The following TREML1 variants were observed in gnomAD, a reference collection of about 807,000 sequenced individuals.
The protein encoded by TREML1 is triggering receptor expressed on myeloid cells like 1.
TREML1 carries 27 observed loss-of-function variants against 22.8 expected under a neutral mutation model. That is an observed-to-expected ratio of 1.19 (90% CI 0.87 to 1.64). The LOEUF is 1.64. Ranked by LOEUF, TREML1 falls within the 40% of genes most tolerant of loss-of-function variation. The probability of loss-of-function intolerance (pLI) is 0.00; values close to 1 mark genes in which losing one functional copy is unlikely to be tolerated. For synonymous variants in TREML1, 153 were observed against 161.9 expected (o/e 0.94, Z 0.42); for missense variants, 356 against 382.0 (o/e 0.93, Z 0.57).
At chr6:41,151,934 C>G (rs1012011801) in intron 2 of TREML1, among the ~76,000 whole-genome samples, 1 of 152,208 alleles carries the variant, frequency 6.6e-6, no homozygotes. Context: ...GCAACACAAA[C>G]CAACTGACCC....
intron 5 of TREML1, 121 bp from the exon 6 acceptor site, chr6:41,150,039 G>T (rs1765204651): frequency 9.2e-7 from 1 of 1,088,774 alleles, no homozygotes. Flanking sequence ...GGGCAAGAGG[G>T]CTTCATTGTG....
chr6:41,150,369 T>C (rs1765213130), intron 4 of TREML1, 56 bp from the exon 5 acceptor site: 1 of 1,545,788 alleles, frequency 6.5e-7, no homozygotes, highest in Non-Finnish European at 8.9e-7. Context: ...TCAGAGCCCT[T>C]CCCTCACTCC....
At chr6:41,152,420 T>C (rs1467051159) in intron 2 of TREML1, among the ~76,000 whole-genome samples, 1 of 152,148 alleles carries the variant, frequency 6.6e-6, no homozygotes, top group Non-Finnish European at 1.5e-5. Context: ...TTTAGTGAGT[T>C]AGAACCTGAA....
chr6:41,154,212 G>A, intron 1 of TREML1, 34 bp downstream of exon 1: 6 of 1,608,926 alleles, frequency 3.7e-6, no homozygotes, highest in Non-Finnish European at 5.1e-6. Flanking sequence ...CTGAGCATAT[G>A]GGGCCCAGAG....
Position 41,151,344 on chromosome 6 carries a change from C to T in TREML1, c.417G>A (p.Glu139=), listed in dbSNP as rs1373402511. Residue 139 remains glutamate (E), a synonymous_variant, in exon 3 of 6, where the codon GAG becomes GAA. Transcript: ENST00000426005. ...TGCCTGCAGGGTCTGAGAATGCGTT[C>T]TCAGCCAGACTGCCAATCTTATGGG... ...EETHKIGSLA[E]NAFSDPAGSA... is the part of the protein sequence containing the mutation. 2 of 1,614,224 alleles carry T rather than the reference C, an allele frequency of 1.2e-6. No homozygotes were observed. Among genetic ancestry groups the T allele is most frequent in the Non-Finnish European group, 1.7e-6 (2 of 1,180,040 alleles).
chr6:41,151,178 A>G, intron 3 of TREML1, 104 bp downstream of exon 3: 1 of 1,042,622 alleles, frequency 9.6e-7, no homozygotes, highest in South Asian at 1.3e-5. Flanking sequence ...CAGAGGTGGG[A>G]AGAATCATAG....
chr6:41,152,072 G>A (rs1765267255), intron 2 of TREML1, among the ~76,000 whole-genome samples: 3 of 152,208 alleles, frequency 2.0e-5, no homozygotes, highest in Non-Finnish European at 4.4e-5. Flanking sequence ...ACTTGTCTTA[G>A]GAACCTGGCC....
At chr6:41,150,964 G>A in intron 3 of TREML1, 57 bp from the exon 4 acceptor site, 1 of 1,476,294 alleles carries the variant, frequency 6.8e-7, no homozygotes, top group Non-Finnish European at 9.5e-7. Context: ...GGAGCTGCTG[G>A]CCAGGAGCCC....
In TREML1 at chr6:41,151,360, A is replaced by G. The variant is rs1400530374; in HGVS notation, c.401T>C (p.Ile134Thr). 3 of 1,614,154 alleles carry G rather than the reference A, an allele frequency of 1.9e-6. No homozygotes were observed. Among genetic ancestry groups the G allele is most frequent in the South Asian group, 1.1e-5 (1 of 91,054 alleles). ...GAATGCGTTCTCAGCCAGACTGCCA[A>G]TCTTATGGGTCTCTTCTTCTTCCTC... ...PPEEEEETHKIGSLAENAFSD... is the reference protein window; with the variant it reads ...PPEEEEETHKTGSLAENAFSD... Residue 134 changes from isoleucine (I) to threonine (T), a missense_variant, in exon 3 of 6, where the codon ATT (isoleucine) becomes ACT (threonine). By Grantham distance (89) the Ile-to-Thr change is moderately conservative. Coordinates refer to ENST00000426005, the MANE Select transcript of TREML1 (RefSeq NM_178174.4).
chr6:41,149,314 G>A (rs1329046845), downstream of TREML1: 1 of 319,372 alleles, frequency 3.1e-6, no homozygotes, highest in African/African-American at 2.1e-5. Flanking sequence ...AACTTGGGCA[G>A]TTTCCTTTCC....
intron 2 of TREML1, among the ~76,000 whole-genome samples, chr6:41,153,484 G>A (rs535781650): frequency 3.3e-5 from 5 of 152,116 alleles, no homozygotes; most frequent in African/African-American, 9.6e-5. Context: ...TGAAAATGCT[G>A]GAAGAAGAGG....
chr6:41,151,646 C>T (rs781257913), intron 2 of TREML1: 3 of 483,090 alleles, frequency 6.2e-6, no homozygotes, highest in African/African-American at 5.8e-5. Flanking sequence ...CAGCTCCCCC[C>T]ATCTTCCTGC....
chr6:41,154,107 G>A lies in TREML1; in HGVS notation c.44-17C>T, dbSNP rs1278423479. 1.2e-6 allele frequency: 2 copies of A among 1,604,118 alleles called. No homozygotes were observed. The highest frequency in any genetic ancestry group is 1.7e-6 in the Non-Finnish European group (2 of 1,174,574). ...TGCCCTGACCTGGGGAAGGAAAGGA[G>A]GTGGGAATTTTGGGCAGGAGCTGGG... On this transcript the variant is annotated splice_polypyrimidine_tract_variant and intron_variant, in intron 1 of 5. Coordinates refer to ENST00000426005, the MANE Select transcript of TREML1 (RefSeq NM_178174.4).
Position 41,153,922 on chromosome 6 carries a change from G to A in TREML1, c.212C>T (p.Ala71Val). The A allele has an allele frequency of 6.2e-7, 1 of 1,614,208 alleles. No individual in the cohort carries two copies. Among genetic ancestry groups the A allele is most frequent in the Non-Finnish European group, 8.5e-7 (1 of 1,180,042 alleles). The change falls in exon 2 of 6, where the codon GCT becomes GTT. Residue 71 changes from alanine to valine, a missense_variant. By Grantham distance (64) the Ala-to-Val change is moderately conservative. Coordinates refer to ENST00000426005, the MANE Select transcript of TREML1 (RefSeq NM_178174.4). ...GAGAAACGTACGCCTGCCCGCTGGA[G>A]CTCTGCGATCCACAGCTGAGGACAC... ...PLVSSAVDRR[A>V]PAGRRTFLTD...
At chr6:41,153,395 T>A (rs1385968836) in intron 2 of TREML1, among the ~76,000 whole-genome samples, 1 of 151,342 alleles carries the variant, frequency 6.6e-6, no homozygotes, top group Non-Finnish European at 1.5e-5. Flanking sequence ...GCTACAAAAA[T>A]TAATTCTGGT....
At chr6:41,150,758 T>C in intron 4 of TREML1, 61 bp downstream of exon 4, 1 of 1,499,086 alleles carries the variant, frequency 6.7e-7, no homozygotes, top group South Asian at 1.1e-5. Context: ...TGGCCTCATC[T>C]GCACAACTGG....
intron 2 of TREML1, among the ~76,000 whole-genome samples, chr6:41,152,582 A>C (rs936116389): frequency 6.6e-6 from 1 of 152,102 alleles, no homozygotes; most frequent in African/African-American, 2.4e-5. Flanking sequence ...GAAAAAAAAC[A>C]AGGGAAGGGG....
intron 2 of TREML1, among the ~76,000 whole-genome samples, chr6:41,153,183 G>A (rs367572795): frequency 1.3e-5 from 2 of 149,872 alleles, no homozygotes; most frequent in African/African-American, 2.5e-5. Context: ...CTGAAAATAG[G>A]GTCAAGAATA....
Position 41,149,891 on chromosome 6 carries a change from T to G in TREML1, c.649A>C (p.Ser217Arg). Residue 217 changes from serine (S) to arginine (R), a missense_variant, in exon 6 of 6, where the codon AGT (serine) becomes CGT (arginine). Ser to Arg is a moderately radical substitution (Grantham distance 110). Coordinates refer to ENST00000426005, the MANE Select transcript of TREML1 (RefSeq NM_178174.4). The stretch of plus-strand genomic sequence containing the variant: ...AATTCAGCAGCCGGTCCAGAGTCAC[T>G]GACGTGGTGGACCACTGAGGAGGGA... ...MNPSSVVHHV[S>R]DSGPAAELPL... 1 of 1,613,898 alleles carries G rather than the reference T, an allele frequency of 6.2e-7. No homozygotes were observed. Among genetic ancestry groups the G allele is most frequent in the Non-Finnish European group, 8.5e-7 (1 of 1,179,930 alleles).
Sources: gnomAD v4.1 joint callset for allele counts (sites outside exome capture counted in the v4.1 genomes callset) on GRCh38, gnomAD v4.1.1 for gene constraint, MANE v1.5 for transcripts, NCBI Gene and HGNC (gene_info 2026-07-23, HGNC 2026-07-21) for gene names.